EFCAB6: variants seen among roughly 807,000 people sequenced by gnomAD.
EFCAB6 encodes EF-hand calcium binding domain 6.
EFCAB6 carries 156 observed loss-of-function variants against 169.8 expected under a neutral mutation model. That is an observed-to-expected ratio of 0.92 (90% CI 0.81 to 1.05). EFCAB6 has a LOEUF of 1.05. Among genes scored for constraint, EFCAB6 ranks in the 50% least tolerant of loss-of-function variants. The pLI is 0.00. For synonymous variants in EFCAB6, 698 were observed against 676.4 expected, an observed-to-expected ratio of 1.03 and a Z score of -0.50; for missense variants, 1,800 against 1,829.1, an observed-to-expected ratio of 0.98 and a Z score of 0.29.
rs570987241 is a variant in EFCAB6, at chr22:43,794,190, T to C, written c.-7-11865A>G. On this transcript the variant is annotated intron_variant, in intron 2 of 31. Transcript: ENST00000262726. ...CCTTTAAAGAGGTTCATGTGTAAAG[T>C]TTCCCACTTTATATCAAAATGAAGT... Among the ~76,000 whole-genome samples the C allele has an allele frequency of 1.4e-4, 21 of 152,318 alleles. No homozygotes were observed. In the East Asian group the frequency reaches 4.1e-3, roughly 29 times the overall value.
chr22:43,535,007 T>G, intron 29 of EFCAB6, 135 bp from the exon 30 acceptor site: 1 of 895,574 alleles, frequency 1.1e-6, no homozygotes, highest in Non-Finnish European at 1.7e-6. Flanking sequence ...GAACTCACGG[T>G]TGGTGGCTGG....
intron 22 of EFCAB6, among the ~76,000 whole-genome samples, chr22:43,607,036 C>T (rs754485521): frequency 1.3e-5 from 2 of 152,138 alleles, no homozygotes; most frequent in Admixed American, 6.5e-5. Context: ...CCTGAACTGA[C>T]TCACCTTCCT....
Position 43,784,611 on chromosome 22 carries a change from GTGTATATATACACATATATA to G in EFCAB6, c.-7-2306_-7-2287del, listed in dbSNP as rs1272151050. Among the ~76,000 whole-genome samples, 5 of 53,690 alleles carry G rather than the reference GTGTATATATACACATATATA, an allele frequency of 9.3e-5. 1 individual carries two copies. Among genetic ancestry groups the G allele is most frequent in the Non-Finnish European group, 1.1e-4 (3 of 28,272 alleles). 35.2% of individuals were successfully genotyped at this position (53,690 alleles called of 152,430 possible). A position where few individuals can be genotyped will look rare whatever the true frequency, so the allele number is the denominator to read the frequency against. ...TATATGTATATATACACATATATAT[GTGTATATATACACATATATA>G]TGTATATGTACACATATATATGTGT... On this transcript the variant is annotated intron_variant, in intron 2 of 31. Transcript: ENST00000262726.
chr22:43,653,804 A>ATGG (rs2056602914), intron 17 of EFCAB6, among the ~76,000 whole-genome samples: 1 of 152,126 alleles, frequency 6.6e-6, no homozygotes, highest in Admixed American at 6.6e-5. Context: ...GGGAGGGCGC[A>ATGG]CTTTCATGGG....
intron 4 of EFCAB6, among the ~76,000 whole-genome samples, chr22:43,771,237 C>A (rs2061459626): frequency 6.6e-6 from 1 of 152,126 alleles, no homozygotes. Context: ...TCGAGACCAG[C>A]CTGGCCAACA....
In EFCAB6 at chr22:43,615,876, G is replaced by A. The variant is rs2053651217; in HGVS notation, c.2512C>T (p.His838Tyr). Residue 838 changes from histidine to tyrosine, a missense_variant, in exon 21 of 32, where the codon CAT becomes TAT. Transcript: ENST00000262726. Reference protein sequence around the residue: ...ADSELACEQAHQYLVTKAKNR... With the variant: ...ADSELACEQAYQYLVTKAKNR... The stretch of plus-strand genomic sequence containing the variant: ...TTTGCTTTGGTAACAAGATACTGAT[G>A]AGCCTGCTCACAAGCTAGTTCTGAA... 6.2e-7 allele frequency: 1 copy of A among 1,613,794 alleles called. No individual in the cohort carries two copies. The highest frequency in any genetic ancestry group is 1.7e-4 in the Middle Eastern group (1 of 5,976).
At chr22:43,647,608 G>A (rs778443512) in intron 17 of EFCAB6, among the ~76,000 whole-genome samples, 9 of 152,228 alleles carry the variant, frequency 5.9e-5, no homozygotes, top group Non-Finnish European at 1.0e-4. Context: ...CTTTAATGGA[G>A]CTGGGGTCTT....
At chr22:43,708,089 T>TAAAAAAA (rs137824) in intron 10 of EFCAB6, among the ~76,000 whole-genome samples, 22 of 115,490 alleles carry the variant, frequency 1.9e-4, no homozygotes, top group Non-Finnish European at 2.6e-4. Context: ...TAAAGAAAAC[T>TAAAAAAA]AAAAAAAAAA....
intron 26 of EFCAB6, among the ~76,000 whole-genome samples, chr22:43,566,315 A>G (rs1233945108): frequency 2.0e-5 from 3 of 152,248 alleles, no homozygotes; most frequent in African/African-American, 4.8e-5. Context: ...CTCTTACCAC[A>G]CAAGGATTCC....
chr22:43,580,492 A>G lies in EFCAB6; in HGVS notation c.3200T>C (p.Val1067Ala), dbSNP rs181756968. Residue 1067 changes from valine to alanine, a missense_variant, in exon 25 of 32, where the codon GTT (valine) becomes GCT (alanine). Transcript: ENST00000262726. ...GGACAAAGCCAGCTGGGAGGACTCAACTACTTCCTGGATCTTCCTCACAGC... is the reference window on the plus strand; with the variant it reads ...GGACAAAGCCAGCTGGGAGGACTCAGCTACTTCCTGGATCTTCCTCACAGC... ...QEAVRKIQEVVESSQLALSTA... is the reference protein window; with the variant it reads ...QEAVRKIQEVAESSQLALSTA... 5 of 1,614,138 alleles carry G rather than the reference A, an allele frequency of 3.1e-6. No individual in the cohort carries two copies. In the East Asian group the frequency reaches 6.7e-5, roughly 22 times the overall value.
At position 43,795,495 on chromosome 22, in the gene EFCAB6, C is replaced by T. The variant is rs990785986; in HGVS notation, c.-7-13170G>A. Among the ~76,000 whole-genome samples the T allele has an allele frequency of 3.3e-5, 5 of 152,098 alleles. No homozygotes were observed. The highest frequency in any genetic ancestry group is 5.9e-5 in the Non-Finnish European group (4 of 68,000). ...CCCTCTCACGGCCCCATGGGTCCCT[C>T]GGCCCTGCTCCACCCCAGCCGATTC... On this transcript the variant is annotated intron_variant, in intron 2 of 31. Coordinates refer to ENST00000262726, the MANE Select transcript of EFCAB6 (RefSeq NM_022785.4). The surrounding 1 kb of genome is among the most constrained non-coding windows in gnomAD (Gnocchi z 4.2).
chr22:43,583,051 T>C (rs2050832876), intron 24 of EFCAB6, among the ~76,000 whole-genome samples: 1 of 152,056 alleles, frequency 6.6e-6, no homozygotes, highest in African/African-American at 2.4e-5. Flanking sequence ...CTGGACAAAA[T>C]ACCTACTAAC....
At chr22:43,778,869 T>G (rs191280047) in intron 3 of EFCAB6, among the ~76,000 whole-genome samples, 7 of 152,132 alleles carry the variant, frequency 4.6e-5, no homozygotes, top group African/African-American at 1.4e-4. Flanking sequence ...CTGCTGTTTT[T>G]AACACAAATA....
intron 26 of EFCAB6, among the ~76,000 whole-genome samples, chr22:43,570,422 G>A (rs1006027771): frequency 6.6e-6 from 1 of 152,086 alleles, no homozygotes; most frequent in Non-Finnish European, 1.5e-5. Context: ...AAGATTTAAG[G>A]GAAATGTTAA....
At chr22:43,642,196 C>G (rs1316085053) in intron 17 of EFCAB6, among the ~76,000 whole-genome samples, 1 of 152,214 alleles carries the variant, frequency 6.6e-6, no homozygotes, top group Non-Finnish European at 1.5e-5. Context: ...CCGCCTCGCC[C>G]TCCCAAAGTG....
chr22:43,638,162 T>C (rs1419761988), intron 17 of EFCAB6, among the ~76,000 whole-genome samples: 2 of 152,220 alleles, frequency 1.3e-5, no homozygotes, highest in African/African-American at 4.8e-5. Flanking sequence ...AGGCCTCTGA[T>C]GCCTCTTCCG....
chr22:43,751,813 A>C (rs1257527809), intron 6 of EFCAB6, among the ~76,000 whole-genome samples: 1 of 152,234 alleles, frequency 6.6e-6, no homozygotes, highest in African/African-American at 2.4e-5. Context: ...AAGCATCAAC[A>C]TATGCCTGCT....
At chr22:43,774,319 G>C (rs1007738427) in intron 3 of EFCAB6, among the ~76,000 whole-genome samples, 5 of 150,562 alleles carry the variant, frequency 3.3e-5, no homozygotes, top group African/African-American at 7.3e-5. Context: ...GGGTGGGCTG[G>C]GCTGTCTTCT....
At position 43,590,067 on chromosome 22, in the gene EFCAB6, A is replaced by C; in HGVS notation, c.3032+7T>G. On this transcript the variant is annotated splice_region_variant and intron_variant, in intron 24 of 31. Coordinates refer to ENST00000262726, the MANE Select transcript of EFCAB6 (RefSeq NM_022785.4). ...TGAGAAACATATTTAACTGAGTCCA[A>C]AAAGACCTGTTTAGCAGATGGGTCA... is the stretch of plus-strand genomic sequence containing the variant. The C allele has an allele frequency of 6.2e-7, 1 of 1,611,244 alleles. No individual in the cohort carries two copies. Among genetic ancestry groups the C allele is most frequent in the Non-Finnish European group, 8.5e-7 (1 of 1,178,998 alleles).
Sources: gnomAD v4.1 joint callset for allele counts (sites outside exome capture counted in the v4.1 genomes callset) on GRCh38, gnomAD v4.1.1 for gene constraint, Gnocchi (gnomAD v3.1) non-coding constraint, MANE v1.5 for transcripts, NCBI Gene and HGNC (gene_info 2026-07-23, HGNC 2026-07-21) for gene names.